Variants in DOK5 observed in about 807,000 individuals in gnomAD.
DOK5 encodes downstream of tyrosine kinase 5.
In DOK5, 27 loss-of-function variants were observed where a neutral mutation model predicts 43.3. The observed-to-expected ratio is 0.62, with a 90% confidence interval of 0.46 to 0.86. The LOEUF (loss-of-function observed/expected upper bound fraction) is 0.86, where lower values mean the gene tolerates loss of function less well. Ranked by LOEUF, DOK5 falls within the 40% of genes least tolerant of loss-of-function variation. DOK5 has a pLI of 0.00. For synonymous variants in DOK5, 146 were observed against 140.1 expected (o/e 1.04, Z -0.30); for missense variants, 373 against 392.9 (o/e 0.95, Z 0.43).
intron 2 of DOK5, among the ~76,000 whole-genome samples, chr20:54,582,189 T>C (rs1022336457): frequency 2.0e-5 from 3 of 151,936 alleles, no homozygotes; most frequent in Non-Finnish European, 2.9e-5. Flanking sequence ...GTAGAACCCT[T>C]GTATCTGAGA....
rs560989605 is a variant in DOK5 at position 54,650,847 on chromosome 20, T to A, written c.*368T>A. ...TTTCCTTCCAAGTGTTTCAGTTGTA[T>A]GACAGTCAGTATTGACAATAAAATG... On this transcript the variant is annotated 3_prime_UTR_variant, in exon 8 of 8. Transcript: ENST00000262593. 3.0e-4 allele frequency: 52 copies of A among 174,248 alleles called. No homozygotes were observed. Among genetic ancestry groups the A allele is most frequent in the African/African-American group, 1.1e-3 (47 of 42,296 alleles). 10.8% of individuals were successfully genotyped at this position (174,248 alleles called of 1,614,324 possible).
At chr20:54,508,901 G>C (rs1435104916) in intron 1 of DOK5, among the ~76,000 whole-genome samples, 1 of 150,604 alleles carries the variant, frequency 6.6e-6, no homozygotes, top group Non-Finnish European at 1.5e-5. Context: ...TTTTTAGACA[G>C]AGTCTCGCTG....
At chr20:54,485,775 A>C (rs1981908961) in intron 1 of DOK5, among the ~76,000 whole-genome samples, 1 of 152,204 alleles carries the variant, frequency 6.6e-6, no homozygotes, top group Non-Finnish European at 1.5e-5. Flanking sequence ...TCACATTAGC[A>C]ATGTGTGAGT....
chr20:54,500,960 A>C (rs1181006883), intron 1 of DOK5, among the ~76,000 whole-genome samples: 2 of 152,230 alleles, frequency 1.3e-5, no homozygotes, highest in Non-Finnish European at 2.9e-5. Context: ...ATGACTAGGT[A>C]CGTAGTTTAC....
At chr20:54,521,043 G>T (rs986693055) in intron 1 of DOK5, among the ~76,000 whole-genome samples, 2 of 151,848 alleles carry the variant, frequency 1.3e-5, no homozygotes, top group African/African-American at 4.8e-5. Context: ...GGCTCGGCTT[G>T]CTCCCTTACA....
chr20:54,527,431 A>G (rs1431673692), intron 1 of DOK5, among the ~76,000 whole-genome samples: 1 of 152,208 alleles, frequency 6.6e-6, no homozygotes, highest in Non-Finnish European at 1.5e-5. Flanking sequence ...CTGCTTTCAC[A>G]GAACCATATA....
chr20:54,584,482 A>G (rs1224968203), intron 2 of DOK5, among the ~76,000 whole-genome samples: 3 of 151,666 alleles, frequency 2.0e-5, no homozygotes, highest in African/African-American at 7.2e-5. Flanking sequence ...TATCATTGTA[A>G]CAAATTTCAT....
intron 1 of DOK5, among the ~76,000 whole-genome samples, chr20:54,530,360 A>G (rs1983728355): frequency 6.6e-6 from 1 of 152,178 alleles, no homozygotes; most frequent in South Asian, 2.1e-4. Context: ...GCTGTTTTCT[A>G]TGGGCGAGAT....
intron 6 of DOK5, among the ~76,000 whole-genome samples, chr20:54,639,108 A>G (rs552209553): frequency 6.6e-6 from 1 of 152,354 alleles, no homozygotes; most frequent in Admixed American, 6.5e-5. Context: ...AGAAGGAGTG[A>G]AATTGTAACC....
intron 2 of DOK5, among the ~76,000 whole-genome samples, chr20:54,559,341 G>A (rs978199782): frequency 6.6e-6 from 1 of 152,110 alleles, no homozygotes; most frequent in Non-Finnish European, 1.5e-5. Context: ...CTTTGCCACC[G>A]TATATGTCTG....
rs149604940 is a variant in DOK5 at position 54,588,545 on chromosome 20, C to T, written c.237C>T (p.Ala79=). Residue 79 remains alanine, a synonymous_variant, in exon 3 of 8, where the codon GCC becomes GCT. Coordinates refer to ENST00000262593, the MANE Select transcript of DOK5 (RefSeq NM_018431.5). ...TGCCAAAAAGCACCAAGAAACATGC[C>T]ATAGGGATTTATTTCAATGACGATA... ...ARLPKSTKKH[A]IGIYFNDDTS... 4 of 1,614,074 alleles carry T rather than the reference C, an allele frequency of 2.5e-6. No homozygotes were observed. Among genetic ancestry groups the T allele is most frequent in the Admixed American group, 1.7e-5 (1 of 60,024 alleles).
intron 6 of DOK5, among the ~76,000 whole-genome samples, chr20:54,631,902 G>T (rs1331213382): frequency 1.3e-5 from 2 of 152,176 alleles, no homozygotes; most frequent in Non-Finnish European, 2.9e-5. Context: ...AACCCGGGAG[G>T]CAGAGGTTGC....
chr20:54,481,615 C>A (rs1981723924), intron 1 of DOK5, among the ~76,000 whole-genome samples: 1 of 152,152 alleles, frequency 6.6e-6, no homozygotes, highest in Non-Finnish European at 1.5e-5. Context: ...AGGGCTGGGA[C>A]TTGTTTCTCT....
chr20:54,628,264 C>T (rs1341165150), intron 6 of DOK5, among the ~76,000 whole-genome samples: 1 of 151,686 alleles, frequency 6.6e-6, no homozygotes, highest in East Asian at 1.9e-4. Context: ...AAAAAATTAG[C>T]CCGGCGTGGT....
chr20:54,536,706 G>T (rs931847830), intron 1 of DOK5, among the ~76,000 whole-genome samples: 2 of 152,206 alleles, frequency 1.3e-5, no homozygotes, highest in East Asian at 3.9e-4. Flanking sequence ...TTAGATAAGA[G>T]CTGCTCTATA....
intron 2 of DOK5, among the ~76,000 whole-genome samples, chr20:54,566,864 T>C (rs951434849): frequency 1.3e-5 from 2 of 152,154 alleles, no homozygotes; most frequent in African/African-American, 4.8e-5. Flanking sequence ...GGATCCTCCC[T>C]CCTCAGCCTC....
intron 1 of DOK5, 25 bp downstream of exon 1, chr20:54,476,037 G>T: frequency 6.2e-7 from 1 of 1,611,752 alleles, no homozygotes. Flanking sequence ...TCTCCGTGTT[G>T]CTGTTCGCCG....
chr20:54,486,690 G>A (rs1981949096), intron 1 of DOK5, among the ~76,000 whole-genome samples: 1 of 152,070 alleles, frequency 6.6e-6, no homozygotes, highest in African/African-American at 2.4e-5. Flanking sequence ...TGGCTCTGTA[G>A]CCTTAGGGAA....
chr20:54,601,496 A>T (rs1306996937), intron 5 of DOK5, among the ~76,000 whole-genome samples: 1 of 152,272 alleles, frequency 6.6e-6, no homozygotes, highest in Non-Finnish European at 1.5e-5. Context: ...ACTGTCTGTT[A>T]TACTAGCTTT....
Sources: allele counts gnomAD v4.1 joint callset (sites outside exome capture counted in the v4.1 genomes callset), GRCh38; gene constraint gnomAD v4.1.1; transcripts MANE v1.5; gene names NCBI Gene and HGNC (gene_info 2026-07-23, HGNC 2026-07-21).